The following BNC2 variants were observed in gnomAD, a reference collection of about 807,000 sequenced individuals.
The protein encoded by BNC2 is basonuclin zinc finger protein 2, also known as zinc finger protein basonuclin-2.
A neutral mutation model predicts 76.3 loss-of-function variants in BNC2; 20 were observed. The ratio of observed to expected loss-of-function variants is 0.26; its 90% CI spans 0.18 to 0.38. The LOEUF is 0.38. Ranked by LOEUF, BNC2 falls within the 10% of genes least tolerant of loss-of-function variation. The pLI, the probability that BNC2 is intolerant of heterozygous loss-of-function variation, is 1.00. For synonymous variants in BNC2, 582 were observed against 514.8 expected (o/e 1.13, Z -1.77); for missense variants, 1,382 against 1,399.8 (o/e 0.99, Z 0.20).
intron 5 of BNC2, among the ~76,000 whole-genome samples, chr9:16,454,210 A>C (rs1821399354): frequency 6.6e-6 from 1 of 152,144 alleles, no homozygotes; most frequent in Admixed American, 6.5e-5. Context: ...CTTACAGTAT[A>C]ACCAGCTGAG....
At chr9:16,740,649 T>C (rs544749598) in intron 1 of BNC2, among the ~76,000 whole-genome samples, 72 of 152,300 alleles carry the variant, frequency 4.7e-4, no homozygotes, top group South Asian at 2.1e-3. Context: ...TCTGAAAAGT[T>C]AGAGGAGCTC....
chr9:16,457,852 T>C (rs933158785), intron 5 of BNC2, among the ~76,000 whole-genome samples: 1 of 152,186 alleles, frequency 6.6e-6, no homozygotes, highest in African/African-American at 2.4e-5. Flanking sequence ...GTCTCAGGCC[T>C]GCTAACCCTT....
At chr9:16,832,242 A>G in intron 1 of BNC2, 1 of 1,261,478 alleles carries the variant, frequency 7.9e-7, no homozygotes, top group Non-Finnish European at 1.0e-6. Flanking sequence ...GTAGTTAAAT[A>G]CCAGTAGAAG....
At chr9:16,709,884 C>G (rs576472813) in intron 3 of BNC2, among the ~76,000 whole-genome samples, 1 of 151,970 alleles carries the variant, frequency 6.6e-6, no homozygotes, top group Non-Finnish European at 1.5e-5. Flanking sequence ...AAGATTATGT[C>G]TTCAAAGATA....
intron 3 of BNC2, chr9:16,685,767 A>G (rs1177620938): frequency 7.3e-6 from 3 of 411,322 alleles, no homozygotes; most frequent in Non-Finnish European, 9.7e-6. Flanking sequence ...TGTATGTGAC[A>G]CTTAGTATGT....
chr9:16,583,688 G>A (rs1442717987), intron 3 of BNC2, among the ~76,000 whole-genome samples: 7 of 151,178 alleles, frequency 4.6e-5, no homozygotes, highest in African/African-American at 1.5e-4. Context: ...TTCTATTTTC[G>A]TTCCTGTTTT....
chr9:16,647,349 G>T (rs1821660744), intron 3 of BNC2, among the ~76,000 whole-genome samples: 1 of 152,100 alleles, frequency 6.6e-6, no homozygotes. Context: ...TGTGGTACGG[G>T]TGGGGGCCGG....
chr9:16,822,204 C>A (rs931443810), intron 1 of BNC2, among the ~76,000 whole-genome samples: 2 of 151,536 alleles, frequency 1.3e-5, no homozygotes, highest in East Asian at 3.9e-4. Context: ...GCGCAGGCTG[C>A]GGGGAGGAAG....
chr9:16,746,709 T>C (rs971392044), intron 1 of BNC2, among the ~76,000 whole-genome samples: 1 of 150,494 alleles, frequency 6.6e-6, no homozygotes, highest in African/African-American at 2.4e-5. Flanking sequence ...AGGCCTGCAA[T>C]CCCAGCACTT....
intron 5 of BNC2, among the ~76,000 whole-genome samples, chr9:16,444,197 A>G (rs1210048746): frequency 6.6e-6 from 1 of 152,002 alleles, no homozygotes; most frequent in Non-Finnish European, 1.5e-5. Flanking sequence ...ACTCCTATTT[A>G]TTTTTACCTA....
intron 5 of BNC2, among the ~76,000 whole-genome samples, chr9:16,483,456 A>G (rs1822100279): frequency 6.6e-6 from 1 of 152,248 alleles, no homozygotes; most frequent in South Asian, 2.1e-4. Flanking sequence ...GATGCTAAAC[A>G]AGACCATGTC....
chr9:16,717,279 T>C (rs1824019282), intron 3 of BNC2, among the ~76,000 whole-genome samples: 2 of 152,236 alleles, frequency 1.3e-5, no homozygotes, highest in East Asian at 3.8e-4. Flanking sequence ...ATTACTTTCT[T>C]TAAAATGCCT....
intron 5 of BNC2, among the ~76,000 whole-genome samples, chr9:16,510,478 C>T (rs1302569023): frequency 1.3e-5 from 2 of 152,214 alleles, no homozygotes; most frequent in South Asian, 2.1e-4. Flanking sequence ...TTTCTTCTTT[C>T]GCTTACCCTT....
intron 1 of BNC2, chr9:16,832,318 T>C (rs1411071254): frequency 1.6e-6 from 2 of 1,269,826 alleles, no homozygotes; most frequent in Non-Finnish European, 2.0e-6. Context: ...AAAGAAGCCA[T>C]GAAGCACAGA....
chr9:16,419,670 G>A (rs747538963), intron 6 of BNC2, 21 bp from the exon 7 acceptor site: 9 of 669,364 alleles, frequency 1.3e-5, no homozygotes, highest in Admixed American at 8.3e-5. Flanking sequence ...AAGAGGGAAG[G>A]GGGGGTACGT....
chr9:16,455,866 A>C (rs140699431), intron 5 of BNC2, among the ~76,000 whole-genome samples: 78 of 152,226 alleles, frequency 5.1e-4, no homozygotes, highest in African/African-American at 1.7e-3. Context: ...CACTTATTTT[A>C]CTTTTCATAC....
chr9:16,420,489 T>C (rs966043473), intron 6 of BNC2, among the ~76,000 whole-genome samples: 1 of 151,770 alleles, frequency 6.6e-6, no homozygotes, highest in South Asian at 2.1e-4. Context: ...CCCACCTTTT[T>C]AAAAAAAATC....
chr9:16,784,800 A>T (rs1436553977), intron 1 of BNC2, among the ~76,000 whole-genome samples: 1 of 152,186 alleles, frequency 6.6e-6, no homozygotes, highest in Non-Finnish European at 1.5e-5. Flanking sequence ...CACAGTATAA[A>T]CCACTCCCCT....
At chr9:16,471,055 G>A (rs1289481253) in intron 5 of BNC2, among the ~76,000 whole-genome samples, 1 of 152,166 alleles carries the variant, frequency 6.6e-6, no homozygotes, top group Non-Finnish European at 1.5e-5. Context: ...AAAGCCACAA[G>A]GGCGGAGCTG....
Sources: gnomAD v4.1 joint callset for allele counts (sites outside exome capture counted in the v4.1 genomes callset) on GRCh38, gnomAD v4.1.1 for gene constraint, MANE v1.5 for transcripts, NCBI Gene and HGNC (gene_info 2026-07-23, HGNC 2026-07-21) for gene names.